MTX3: variants seen among roughly 807,000 people sequenced by gnomAD.
The protein encoded by MTX3 is metaxin-3.
A neutral mutation model predicts 42.5 loss-of-function variants in MTX3; 27 were observed. That is an observed-to-expected ratio of 0.64 (90% CI 0.47 to 0.88). The LOEUF (loss-of-function observed/expected upper bound fraction) is 0.88. Among genes scored for constraint, MTX3 ranks in the 40% least tolerant of loss-of-function variants. MTX3 has a pLI of 0.00. For synonymous variants in MTX3, 144 were observed against 132.9 expected, an observed-to-expected ratio of 1.08 and a Z score of -0.57; for missense variants, 378 against 367.0, an observed-to-expected ratio of 1.03 and a Z score of -0.25.
In MTX3 at chr5:79,989,208, C is replaced by T. The variant is rs746614518; in HGVS notation, c.265G>A (p.Gly89Arg). ...GCAATATAAGCCAATGTATCTGCCCCTTGTTTTGCTGAGAGTTCATAATCA... is the reference window on the plus strand; with the variant it reads ...GCAATATAAGCCAATGTATCTGCCCTTTGTTTTGCTGAGAGTTCATAATCA... ...NADYELSAKQ[G>R]ADTLAYIALL... Residue 89 changes from glycine to arginine, a missense_variant, in exon 4 of 9, where the codon GGG (glycine) becomes AGG (arginine). Transcript: ENST00000512528. 4.0e-5 allele frequency: 64 copies of T among 1,607,706 alleles called. No homozygotes were observed. In the Admixed American group the frequency reaches 1.0e-3, roughly 26 times the overall value.
chr5:79,988,457 T>C lies in MTX3; in HGVS notation c.504+5A>G. On this transcript the variant is annotated splice_donor_5th_base_variant and intron_variant, in intron 5 of 8. Transcript: ENST00000512528. ...CCCTTGCTTGAAGAATAATCCATAC[T>C]ATACCTGTGCTTCCACTTCTCGGAG... 6.2e-7 allele frequency: 1 copy of C among 1,608,212 alleles called. No homozygotes were observed. Among genetic ancestry groups the C allele is most frequent in the African/African-American group, 1.3e-5 (1 of 74,538 alleles).
At position 79,983,894 on chromosome 5, in the gene MTX3, CAT is replaced by C. The variant is rs1831431333; in HGVS notation, c.829-102_829-101del. 8 of 717,188 alleles carry C rather than the reference CAT, an allele frequency of 1.1e-5. No homozygotes were observed. In the East Asian group the frequency reaches 1.6e-4, roughly 14 times the overall value. 44.4% of individuals were successfully genotyped at this position (717,188 alleles called of 1,614,324 possible). A position where few individuals can be genotyped will look rare whatever the true frequency, so the allele number is the denominator to read the frequency against. On this transcript the variant is annotated intron_variant, in intron 8 of 8. Transcript: ENST00000512528. ...ACTATAGCCTAGAAGAGTACAGAAC[CAT>C]ATGTTTCCTGGGCTGCTAGAGAAAC...
intron 3 of MTX3, 130 bp downstream of exon 3, chr5:79,990,030 T>G (rs1034684442): frequency 4.0e-6 from 2 of 502,664 alleles, no homozygotes; most frequent in East Asian, 6.6e-5. Flanking sequence ...CTCAAATCTA[T>G]TTTTACATCT....
Position 79,982,762 on chromosome 5 carries a change from G to T in MTX3, c.*922C>A. ...CATCTTATGAAAGAATATGAGCCAAGCATAGAAAACTTGGACCAGATGCAC... is the reference window on the plus strand; with the variant it reads ...CATCTTATGAAAGAATATGAGCCAATCATAGAAAACTTGGACCAGATGCAC... On this transcript the variant is annotated 3_prime_UTR_variant, in exon 9 of 9. Transcript: ENST00000512528. The T allele has an allele frequency of 4.9e-6, 1 of 205,088 alleles. No homozygotes were observed. 12.7% of individuals were successfully genotyped at this position (205,088 alleles called of 1,614,324 possible).
intron 3 of MTX3, 79 bp from the exon 4 acceptor site, chr5:79,989,323 T>C: frequency 4.6e-6 from 4 of 878,468 alleles, no homozygotes; most frequent in South Asian, 1.7e-5. Flanking sequence ...AAATCAGGAT[T>C]CATATTTTTC....
rs760498152 is a variant in MTX3, at chr5:79,990,990, G to T, written c.81+168C>A. ...ATGTCGCCGCCGGCCTTCGGCGGGG[G>T]TATCGGCCAGGTTGGGACTCGTCGG... On this transcript the variant is annotated intron_variant, in intron 1 of 8. Coordinates refer to ENST00000512528, the MANE Select transcript of MTX3 (RefSeq NM_001363818.2). The T allele has an allele frequency of 1.5e-5, 12 of 778,314 alleles. No homozygotes were observed. The East Asian group carries it at 2.1e-4, about 14-fold the overall frequency. 48.2% of individuals were successfully genotyped at this position (778,314 alleles called of 1,614,324 possible). A position where few individuals can be genotyped will look rare whatever the true frequency, so the allele number is the denominator to read the frequency against.
At position 79,981,868 on chromosome 5, in the gene MTX3, T is replaced by C. The variant is rs1202304427; in HGVS notation, c.*1816A>G. The C allele has an allele frequency of 6.6e-6, 1 of 152,320 alleles. No individual in the cohort carries two copies. The highest frequency in any genetic ancestry group is 1.5e-5 in the Non-Finnish European group (1 of 68,112). The allele number at this position is 152,320 out of a possible 1,614,324, so 9.4% of individuals were successfully genotyped here. A position where few individuals can be genotyped will look rare whatever the true frequency, so the allele number is the denominator to read the frequency against. On this transcript the variant is annotated 3_prime_UTR_variant, in exon 9 of 9. Transcript: ENST00000512528. ...ATGTAATGTACTTGTACGTTATAACTGTAATATATTTCAAATACTTTTTGG... is the reference window on the plus strand; with the variant it reads ...ATGTAATGTACTTGTACGTTATAACCGTAATATATTTCAAATACTTTTTGG...
rs146096452 is a variant in MTX3 at position 79,988,846 on chromosome 5, G to A, written c.322-202C>T. On this transcript the variant is annotated intron_variant, in intron 4 of 8. Coordinates refer to ENST00000512528, the MANE Select transcript of MTX3 (RefSeq NM_001363818.2). ...GCTATCTTCCAAACACCCAGAACAA[G>A]GCCTGACACATAGCAGGTGTTCAAT... 3.4e-3 allele frequency among the ~76,000 whole-genome samples: 516 copies of A among 152,150 alleles called. 2 individuals are homozygous for A. Among genetic ancestry groups the A allele is most frequent in the African/African-American group, 9.7e-3 (401 of 41,510 alleles).
chr5:79,988,913 T>C (rs907154805), intron 4 of MTX3, among the ~76,000 whole-genome samples: 2 of 152,210 alleles, frequency 1.3e-5, no homozygotes, highest in East Asian at 1.9e-4. Context: ...ATTCTATACA[T>C]GGAGCAAAAA....
intron 7 of MTX3, 107 bp from the exon 8 acceptor site, chr5:79,985,766 C>T (rs1013648650): frequency 2.9e-6 from 2 of 680,112 alleles, no homozygotes; most frequent in Non-Finnish European, 4.9e-6. Context: ...CAGTGCCCCA[C>T]CCTCCCCAAA....
chr5:79,985,671 G>C lies in MTX3; in HGVS notation c.740-12C>G. 6.3e-7 allele frequency: 1 copy of C among 1,594,240 alleles called. No individual in the cohort carries two copies. Among genetic ancestry groups the C allele is most frequent in the South Asian group, 1.1e-5 (1 of 88,988 alleles). On this transcript the variant is annotated splice_polypyrimidine_tract_variant and intron_variant, in intron 7 of 8. Transcript: ENST00000512528. ...AGCTGGAGAGATGCCTAAGAAGCCA[G>C]GACAGAAATCAGAGAAAGACAGGAA...
rs1831474101 is a variant in MTX3 at position 79,985,720 on chromosome 5, T to G, written c.740-61A>C. ...AAATTTTTAAAGCCTTTAAAGCTAT[T>G]TAGATTGAAAGAATTTTGAGTCTAC... On this transcript the variant is annotated intron_variant, in intron 7 of 8. Transcript: ENST00000512528. 1.1e-4 allele frequency: 133 copies of G among 1,246,650 alleles called. 3 individuals are homozygous for G. In the South Asian group the frequency reaches 1.7e-3, roughly 16 times the overall value. The allele number at this position is 1,246,650 out of a possible 1,614,324, so 77.2% of individuals were successfully genotyped here.
intron 1 of MTX3, 109 bp downstream of exon 1, chr5:79,991,049 G>T (rs1347083503): frequency 2.7e-6 from 3 of 1,120,832 alleles, no homozygotes; most frequent in Admixed American, 2.0e-5. Context: ...AGCGTGCAGC[G>T]GCTCGGCCCT....
At position 79,983,726 on chromosome 5, in the gene MTX3, T is replaced by G; in HGVS notation, c.897A>C (p.Pro299=). Residue 299 remains proline, a synonymous_variant, in exon 9 of 9, where the codon CCA becomes CCC. Transcript: ENST00000512528. ...GGAAGGAATTATTTTCTTCTTCTGC[T>G]GGAGTCAATTTAAGTGTTGGCAGTT... ...PRKLPTLKLT[P]AEEENNSFQR... 2 of 1,614,004 alleles carry G rather than the reference T, an allele frequency of 1.2e-6. No homozygotes were observed. Among genetic ancestry groups the G allele is most frequent in the South Asian group, 2.2e-5 (2 of 91,086 alleles).
At chr5:79,990,705 T>C (rs773776088) in intron 1 of MTX3, 42 bp from the exon 2 acceptor site, 1 of 1,446,172 alleles carries the variant, frequency 6.9e-7, no homozygotes, top group Non-Finnish European at 9.7e-7. Context: ...ACCAAGTGCG[T>C]AATGCAAAGC....
chr5:79,988,054 T>C (rs1029417918), intron 6 of MTX3, among the ~76,000 whole-genome samples, 185 bp downstream of exon 6: 2 of 152,174 alleles, frequency 1.3e-5, no homozygotes, highest in Admixed American at 1.3e-4. Flanking sequence ...TGGCCTCGGG[T>C]GATCTGCCCA....
At chr5:79,990,692 T>C in intron 1 of MTX3, 29 bp from the exon 2 acceptor site, 1 of 1,553,766 alleles carries the variant, frequency 6.4e-7, no homozygotes, top group Non-Finnish European at 8.9e-7. Flanking sequence ...TCAAACATTT[T>C]AGACCAAGTG....
intron 1 of MTX3, 194 bp downstream of exon 1, chr5:79,990,964 G>A: frequency 1.4e-6 from 1 of 728,296 alleles, no homozygotes; most frequent in Non-Finnish European, 2.5e-6. Context: ...GAGAAGCCTT[G>A]ATGTCGCCGC....
At chr5:79,985,443 C>A (rs1452770008) in intron 8 of MTX3, 128 bp downstream of exon 8, 2 of 670,580 alleles carry the variant, frequency 3.0e-6, no homozygotes, top group East Asian at 2.8e-5. Context: ...TATATTTAAA[C>A]AGTTTTCTGA....
Sources: allele counts gnomAD v4.1 joint callset (sites outside exome capture counted in the v4.1 genomes callset), GRCh38; gene constraint gnomAD v4.1.1; transcripts MANE v1.5; gene names NCBI Gene and HGNC (gene_info 2026-07-23, HGNC 2026-07-21).